Variants in GPC5 observed in about 807,000 individuals in gnomAD.
GPC5 encodes the protein glypican 5, also known as glypican-5.
A neutral mutation model predicts 53.9 loss-of-function variants in GPC5; 47 were observed. That is an observed-to-expected ratio of 0.87 (90% CI 0.69 to 1.11). GPC5 has a LOEUF of 1.11. Among genes scored for constraint, GPC5 ranks in the 50% most tolerant of loss-of-function variants. GPC5 has a pLI of 0.00. For missense variants in GPC5, 748 were observed against 713.1 expected, an observed-to-expected ratio of 1.05 and a Z score of -0.56; for synonymous variants, 286 against 263.3, an observed-to-expected ratio of 1.09 and a Z score of -0.84.
intron 2 of GPC5, among the ~76,000 whole-genome samples, chr13:91,691,527 A>G (rs2035757575): frequency 6.6e-6 from 1 of 152,302 alleles, no homozygotes; most frequent in South Asian, 2.1e-4. Flanking sequence ...TGCACAGGTA[A>G]CACATGAGCT....
chr13:92,442,864 A>C (rs1047793968), intron 7 of GPC5, among the ~76,000 whole-genome samples: 4 of 152,182 alleles, frequency 2.6e-5, no homozygotes, highest in Non-Finnish European at 5.9e-5. Flanking sequence ...TTTTTCTCAC[A>C]TTTGTTCCAG....
chr13:92,244,683 T>C (rs931856855), intron 7 of GPC5, among the ~76,000 whole-genome samples: 4 of 152,192 alleles, frequency 2.6e-5, no homozygotes, highest in East Asian at 1.9e-4. Context: ...TGTAACATTT[T>C]CCTCTAAAGC....
chr13:92,730,711 T>C (rs1268535722), intron 7 of GPC5, among the ~76,000 whole-genome samples: 1 of 151,298 alleles, frequency 6.6e-6, no homozygotes, highest in East Asian at 1.9e-4. Flanking sequence ...AAGGTGAAGG[T>C]CCAAGGGCCA....
chr13:92,040,850 C>G (rs542301883), intron 6 of GPC5, among the ~76,000 whole-genome samples: 23 of 152,144 alleles, frequency 1.5e-4, no homozygotes, highest in African/African-American at 5.1e-4. Flanking sequence ...GAATTTAACT[C>G]TTATTTATTT....
intron 7 of GPC5, among the ~76,000 whole-genome samples, chr13:92,824,117 C>T (rs1877764827): frequency 6.6e-6 from 1 of 152,034 alleles, no homozygotes; most frequent in Non-Finnish European, 1.5e-5. Context: ...TTAAATCCTA[C>T]ATTCTAAAAC....
chr13:92,580,862 A>G (rs1276295159), intron 7 of GPC5, among the ~76,000 whole-genome samples: 1 of 152,224 alleles, frequency 6.6e-6, no homozygotes, highest in Non-Finnish European at 1.5e-5. Flanking sequence ...TTATATTTCA[A>G]CATGTGATAT....
chr13:92,824,737 C>T (rs866266834), intron 7 of GPC5, among the ~76,000 whole-genome samples: 1 of 124,798 alleles, frequency 8.0e-6, no homozygotes, highest in Non-Finnish European at 1.7e-5. Context: ...AAAAAAAAAA[C>T]TTCTCATCTT....
chr13:91,717,563 AT>A (rs113259870), intron 3 of GPC5, among the ~76,000 whole-genome samples: 130 of 146,716 alleles, frequency 8.9e-4, no homozygotes, highest in Non-Finnish European at 1.0e-3. Flanking sequence ...TTGCTTGCAC[AT>A]TTTTTTTTTT....
chr13:92,850,671 G>T (rs549833381), intron 7 of GPC5, among the ~76,000 whole-genome samples: 3 of 152,166 alleles, frequency 2.0e-5, no homozygotes, highest in African/African-American at 7.2e-5. Context: ...AAGAAGAAAG[G>T]TCTATAAAGT....
intron 5 of GPC5, among the ~76,000 whole-genome samples, chr13:91,775,053 C>T (rs1022701232): frequency 2.0e-5 from 3 of 152,028 alleles, no homozygotes; most frequent in Admixed American, 2.0e-4. Flanking sequence ...AAAACACCAG[C>T]GCATAGGAGA....
chr13:91,697,994 C>T (rs1173091996), intron 3 of GPC5, among the ~76,000 whole-genome samples: 3 of 151,758 alleles, frequency 2.0e-5, no homozygotes, highest in Admixed American at 6.6e-5. Context: ...CTCCACCTCC[C>T]GGGTTCAAGC....
At chr13:92,420,909 T>A (rs1876529088) in intron 7 of GPC5, among the ~76,000 whole-genome samples, 1 of 152,198 alleles carries the variant, frequency 6.6e-6, no homozygotes, top group South Asian at 2.1e-4. Flanking sequence ...ACACCTAAGT[T>A]GTTTCCAAAT....
In GPC5 at chr13:92,579,318, C is replaced by T. The variant is rs867620063; in HGVS notation, c.1562-286964C>T. The stretch of plus-strand genomic sequence containing the variant: ...CTCTCTCTCCCTCCCTCCCTCCCTC[C>T]CTCCCTCTCTCTCTCTCTCTCTGCT... On this transcript the variant is annotated intron_variant, in intron 7 of 7. Transcript: ENST00000377067. Among the ~76,000 whole-genome samples, 162 of 98,346 alleles carry T rather than the reference C, an allele frequency of 1.6e-3. 3 individuals are homozygous for T. The highest frequency in any genetic ancestry group is 6.6e-3 in the African/African-American group (156 of 23,610). 64.5% of individuals were successfully genotyped at this position (98,346 alleles called of 152,430 possible).
In GPC5 at chr13:92,277,121, CATTATT is replaced by C. The variant is rs1232766202; in HGVS notation, c.1561+132143_1561+132148del. 5.3e-5 allele frequency among the ~76,000 whole-genome samples: 8 copies of C among 151,662 alleles called. No individual in the cohort carries two copies. In the East Asian group the frequency reaches 5.8e-4, roughly 11 times the overall value. ...ATACAAATTTTGCCTTATTTCTTAC[CATTATT>C]ATTATTATTAAGTAATATAACATTG... is the stretch of plus-strand genomic sequence containing the variant. On this transcript the variant is annotated intron_variant, in intron 7 of 7. Transcript: ENST00000377067.
intron 4 of GPC5, among the ~76,000 whole-genome samples, chr13:91,738,532 C>A (rs2036861958): frequency 6.6e-6 from 1 of 151,368 alleles, no homozygotes; most frequent in South Asian, 2.1e-4. Context: ...CTGAAGGTAG[C>A]TGGGCTTAAG....
intron 6 of GPC5, among the ~76,000 whole-genome samples, chr13:92,113,185 A>T (rs959647046): frequency 2.0e-5 from 3 of 152,058 alleles, no homozygotes; most frequent in Non-Finnish European, 4.4e-5. Flanking sequence ...AAAGAAAAGA[A>T]TTTTTTTGTC....
Position 92,810,320 on chromosome 13 carries a change from A to T in GPC5, c.1562-55962A>T, listed in dbSNP as rs117534884. Among the ~76,000 whole-genome samples, 237 of 152,070 alleles carry T rather than the reference A, an allele frequency of 1.6e-3. 3 individuals carry two copies. The highest frequency in any genetic ancestry group is 2.5e-3 in the Non-Finnish European group (172 of 68,004). On this transcript the variant is annotated intron_variant, in intron 7 of 7. Transcript: ENST00000377067. The stretch of plus-strand genomic sequence containing the variant: ...GTAAAGCACAGTTTTGTAAAGAATG[A>T]TCTATGTAAGTAAACCAGCTTAACA...
intron 7 of GPC5, among the ~76,000 whole-genome samples, chr13:92,300,062 A>G (rs988551824): frequency 3.3e-5 from 5 of 152,322 alleles, no homozygotes; most frequent in African/African-American, 1.2e-4. Flanking sequence ...GAATGAAACT[A>G]TATTCCTTTT....
intron 7 of GPC5, among the ~76,000 whole-genome samples, chr13:92,418,273 A>G (rs1267727831): frequency 1.3e-5 from 2 of 152,212 alleles, no homozygotes; most frequent in African/African-American, 4.8e-5. Flanking sequence ...TCCACTGGAA[A>G]TCACTGAATA....
Sources: allele counts gnomAD v4.1 joint callset (sites outside exome capture counted in the v4.1 genomes callset), GRCh38; gene constraint gnomAD v4.1.1; transcripts MANE v1.5; gene names NCBI Gene and HGNC (gene_info 2026-07-23, HGNC 2026-07-21).